The following SNTB1 variants were observed in gnomAD, a reference collection of about 807,000 sequenced individuals.
SNTB1 encodes beta-1-syntrophin.
SNTB1 carries 36 observed loss-of-function variants against 48.9 expected under a neutral mutation model. That is an observed-to-expected ratio of 0.74 (90% CI 0.56 to 0.97). SNTB1 has a LOEUF of 0.97. Among genes scored for constraint, SNTB1 ranks in the 50% least tolerant of loss-of-function variants. The probability of loss-of-function intolerance (pLI) is 0.00; values close to 1 mark genes in which losing one functional copy is unlikely to be tolerated. For missense variants in SNTB1, 786 were observed against 703.4 expected (o/e 1.12, Z -1.33); for synonymous variants, 299 against 294.6 (o/e 1.01, Z -0.15).
chr8:120,647,298 C>T, intron 2 of SNTB1, among the ~76,000 whole-genome samples: 1 of 139,030 alleles, frequency 7.2e-6, no homozygotes, highest in East Asian at 2.1e-4. Flanking sequence ...CTCTTGTGGG[C>T]ATTTAGTGCT....
At chr8:120,789,728 T>C (rs539306795) in intron 1 of SNTB1, among the ~76,000 whole-genome samples, 4 of 151,808 alleles carry the variant, frequency 2.6e-5, no homozygotes, top group Non-Finnish European at 2.9e-5. Flanking sequence ...AGCAATGAGA[T>C]TGACTCAGTA....
At chr8:120,794,984 A>C (rs1452695279) in intron 1 of SNTB1, among the ~76,000 whole-genome samples, 2 of 152,068 alleles carry the variant, frequency 1.3e-5, no homozygotes, top group East Asian at 3.9e-4. Context: ...CTGAAAGGCT[A>C]TAATTTTGAA....
intron 2 of SNTB1, among the ~76,000 whole-genome samples, chr8:120,647,399 AT>A (rs1262657198): frequency 2.3e-4 from 35 of 149,710 alleles, no homozygotes; most frequent in Admixed American, 2.0e-3. Context: ...GAACATCTTT[AT>A]TTCTGCCTTC....
At chr8:120,739,704 A>G (rs1208571782) in intron 1 of SNTB1, among the ~76,000 whole-genome samples, 1 of 152,232 alleles carries the variant, frequency 6.6e-6, no homozygotes, top group Non-Finnish European at 1.5e-5. Flanking sequence ...GAGCTGTCAT[A>G]ACAAAAAGAT....
Position 120,538,836 on chromosome 8 carries a change from A to G in SNTB1, c.*41T>C. On this transcript the variant is annotated 3_prime_UTR_variant, in exon 7 of 7. Coordinates refer to ENST00000517992, the MANE Select transcript of SNTB1 (RefSeq NM_021021.4). ...GTCTGACATCACGTTCTCTGGTGGC[A>G]TTGCAGCCCTTCTTTTCTCAAAGGC... 1 of 1,504,128 alleles carries G rather than the reference A, an allele frequency of 6.6e-7. No individual in the cohort carries two copies. The highest frequency in any genetic ancestry group is 9.3e-7 in the Non-Finnish European group (1 of 1,080,094). 93.2% of individuals were successfully genotyped at this position (1,504,128 alleles called of 1,614,324 possible). A position where few individuals can be genotyped will look rare whatever the true frequency, so the allele number is the denominator to read the frequency against.
At chr8:120,768,142 C>G (rs1819558503) in intron 1 of SNTB1, among the ~76,000 whole-genome samples, 1 of 152,178 alleles carries the variant, frequency 6.6e-6, no homozygotes, top group African/African-American at 2.4e-5. Flanking sequence ...AAACTTGTCA[C>G]AGAAAACAGC....
intron 1 of SNTB1, among the ~76,000 whole-genome samples, chr8:120,740,698 G>A (rs756003146): frequency 9.2e-5 from 14 of 152,008 alleles, no homozygotes; most frequent in South Asian, 2.1e-4. Context: ...GACTTTGTCC[G>A]GAAGAGAGAA....
chr8:120,694,681 A>G (rs1349524915), intron 1 of SNTB1, among the ~76,000 whole-genome samples: 1 of 151,920 alleles, frequency 6.6e-6, no homozygotes, highest in Non-Finnish European at 1.5e-5. Flanking sequence ...AAAGCAAAGC[A>G]TATACTATAA....
chr8:120,769,540 G>C (rs577601397), intron 1 of SNTB1: 86 of 152,218 alleles, frequency 5.6e-4, no homozygotes, highest in African/African-American at 2.1e-3. Context: ...ATTCTGGGTT[G>C]GGGGGGCGGT....
intron 1 of SNTB1, among the ~76,000 whole-genome samples, chr8:120,759,406 G>A (rs890069712): frequency 2.0e-5 from 3 of 151,974 alleles, no homozygotes; most frequent in African/African-American, 7.3e-5. Flanking sequence ...TAGGTTGATG[G>A]TTTGCTTTGA....
intron 2 of SNTB1, among the ~76,000 whole-genome samples, chr8:120,635,190 C>T (rs73708918): frequency 0.039 from 5,873 of 152,138 alleles, 393 homozygotes; most frequent in African/African-American, 0.13. Context: ...AATCTCATGC[C>T]TCTTAGGCAC....
rs1817068072 is a variant in SNTB1, at chr8:120,635,959, T to C, written c.789-3308A>G. ...CTTGATTTTCTCCAAAGCTTTCAGA[T>C]ATGCCCTCTCCTTTACTTGCTCCAG... On this transcript the variant is annotated intron_variant, in intron 2 of 6. Coordinates refer to ENST00000517992, the MANE Select transcript of SNTB1 (RefSeq NM_021021.4). The C allele has an allele frequency of 1.3e-5, 7 of 550,358 alleles. No homozygotes were observed. The South Asian group carries it at 1.3e-4, about 11-fold the overall frequency. The allele number at this position is 550,358 out of a possible 1,614,324, so 34.1% of individuals were successfully genotyped here.
chr8:120,563,659 A>G (rs867796989), intron 4 of SNTB1, among the ~76,000 whole-genome samples: 1 of 152,196 alleles, frequency 6.6e-6, no homozygotes, highest in Non-Finnish European at 1.5e-5. Flanking sequence ...TGCATCAACT[A>G]TGAACTCTTT....
chr8:120,804,671 T>TC (rs1011301824), intron 1 of SNTB1, among the ~76,000 whole-genome samples: 1 of 152,156 alleles, frequency 6.6e-6, no homozygotes, highest in African/African-American at 2.4e-5. Flanking sequence ...GCATGACATT[T>TC]CCCTGCTTAA....
chr8:120,560,380 G>A, intron 4 of SNTB1, among the ~76,000 whole-genome samples: 1 of 152,210 alleles, frequency 6.6e-6, no homozygotes. Context: ...CTACTCGGGA[G>A]GCTGAGGTAG....
intron 1 of SNTB1, among the ~76,000 whole-genome samples, chr8:120,697,613 C>T (rs1237188620): frequency 1.3e-5 from 2 of 152,146 alleles, no homozygotes; most frequent in African/African-American, 4.8e-5. Context: ...GCAACTTCAT[C>T]CTAAGCTTCA....
At chr8:120,789,802 A>G (rs575899436) in intron 1 of SNTB1, among the ~76,000 whole-genome samples, 37 of 152,174 alleles carry the variant, frequency 2.4e-4, no homozygotes, top group Non-Finnish European at 4.9e-4. Context: ...AAATTCTACC[A>G]GACATTCAAA....
rs58873007 is a variant in SNTB1, at chr8:120,654,039, C to CAAAAAAAAAAAAAAAAAA, written c.789-21406_789-21389dup. ...TGGGAGACAGAGCGAGACTCTGCCTCAAAAAAAAAAAAAAAAAAAAAAAAA... is the reference window on the plus strand; with the variant it reads ...TGGGAGACAGAGCGAGACTCTGCCTCAAAAAAAAAAAAAAAAAAAAAAAAAAAAAAAAAAAAAAAAAAA... On this transcript the variant is annotated intron_variant, in intron 2 of 6. Coordinates refer to ENST00000517992, the MANE Select transcript of SNTB1 (RefSeq NM_021021.4). Among the ~76,000 whole-genome samples, 12 of 25,178 alleles carry CAAAAAAAAAAAAAAAAAA rather than the reference C, an allele frequency of 4.8e-4. 1 individual carries two copies. Among genetic ancestry groups the CAAAAAAAAAAAAAAAAAA allele is most frequent in the African/African-American group, 6.1e-4 (4 of 6,524 alleles). 16.5% of individuals were successfully genotyped at this position (25,178 alleles called of 152,430 possible). A position where few individuals can be genotyped will look rare whatever the true frequency, so the allele number is the denominator to read the frequency against.
intron 3 of SNTB1, among the ~76,000 whole-genome samples, chr8:120,615,334 C>T (rs1248046605): frequency 6.6e-6 from 1 of 152,114 alleles, no homozygotes; most frequent in African/African-American, 2.4e-5. Flanking sequence ...ACGGATCCAA[C>T]AATATGTCTG....
Sources: gnomAD v4.1 joint callset for allele counts (sites outside exome capture counted in the v4.1 genomes callset) on GRCh38, gnomAD v4.1.1 for gene constraint, MANE v1.5 for transcripts, NCBI Gene and HGNC (gene_info 2026-07-23, HGNC 2026-07-21) for gene names.